Variants in PCDHGA1 observed in about 807,000 individuals in gnomAD.
PCDHGA1 encodes the protein protocadherin gamma-A1.
In PCDHGA1, 32 loss-of-function variants were observed where a neutral mutation model predicts 58.0. The observed-to-expected ratio is 0.55, with a 90% CI of 0.42 to 0.74. PCDHGA1 has a LOEUF of 0.74. Ranked by LOEUF, PCDHGA1 falls within the 30% of genes least tolerant of loss-of-function variation. The pLI is 0.00. For synonymous variants in PCDHGA1, 498 were observed against 501.1 expected (o/e 0.99, Z 0.08); for missense variants, 1,205 against 1,182.3 (o/e 1.02, Z -0.28).
At chr5:141,430,595 G>T (rs549786394) in intron 1 of PCDHGA1, 3 of 567,018 alleles carry the variant, frequency 5.3e-6, no homozygotes, top group African/African-American at 1.9e-5. Context: ...CCTTGCACGC[G>T]CCTGAAGCAC....
rs2096205933 is a variant in PCDHGA1, at chr5:141,417,998, G to C, written c.2422-76809G>C. ...GGAGGAGCTGGCCAAGGGCTCGGTGGTGGGGAACCTCGCTAAGGATCTAGG... is the reference window on the plus strand; with the variant it reads ...GGAGGAGCTGGCCAAGGGCTCGGTGCTGGGGAACCTCGCTAAGGATCTAGG... On this transcript the variant is annotated intron_variant, in intron 1 of 3. Transcript: ENST00000517417. The C allele has an allele frequency of 1.9e-6, 3 of 1,613,928 alleles. No individual in the cohort carries two copies. The East Asian group carries it at 6.7e-5, about 36-fold the overall frequency.
intron 1 of PCDHGA1, among the ~76,000 whole-genome samples, chr5:141,454,980 T>A (rs1049733405): frequency 9.3e-5 from 14 of 151,310 alleles, no homozygotes; most frequent in African/African-American, 2.4e-4. Context: ...GCTAATTTTT[T>A]AAAAAATATT....
At position 141,398,826 on chromosome 5, in the gene PCDHGA1, C is replaced by T. The variant is rs755219133; in HGVS notation, c.2421+65721C>T. On this transcript the variant is annotated intron_variant, in intron 1 of 3. Coordinates refer to ENST00000517417, the MANE Select transcript of PCDHGA1 (RefSeq NM_018912.3). ...CCACTGAGCTCCGGATCCAGGTAACCGACGCCAATGATAATCCCCCGGTAT... is the reference window on the plus strand; with the variant it reads ...CCACTGAGCTCCGGATCCAGGTAACTGACGCCAATGATAATCCCCCGGTAT... 81 of 1,613,942 alleles carry T rather than the reference C, an allele frequency of 5.0e-5. 1 individual carries two copies. In the South Asian group the frequency reaches 7.7e-4, roughly 15 times the overall value.
At chr5:141,497,479 G>A (rs1028715475) in intron 2 of PCDHGA1, among the ~76,000 whole-genome samples, 5 of 151,886 alleles carry the variant, frequency 3.3e-5, no homozygotes, top group Non-Finnish European at 7.4e-5. Flanking sequence ...GAGAAGGTGC[G>A]GAACCTCTCT....
chr5:141,374,427 A>G, intron 1 of PCDHGA1: 3 of 1,613,980 alleles, frequency 1.9e-6, no homozygotes, highest in Non-Finnish European at 2.5e-6. Context: ...GATAAACTGA[A>G]TCTTTATCCC....
At chr5:141,418,147 C>T (rs781655205) in intron 1 of PCDHGA1, 3 of 1,614,040 alleles carry the variant, frequency 1.9e-6, no homozygotes, top group Admixed American at 3.3e-5. Flanking sequence ...AGCAAATATG[C>T]AAAGAGAGAA....
chr5:141,426,630 T>C, intron 1 of PCDHGA1: 1 of 398,080 alleles, frequency 2.5e-6, no homozygotes, highest in South Asian at 1.8e-5. Context: ...TCTAAATGTT[T>C]TTCACATAAA....
At chr5:141,400,341 C>T in intron 1 of PCDHGA1, 7 of 1,614,070 alleles carry the variant, frequency 4.3e-6, no homozygotes, top group Non-Finnish European at 5.9e-6. Flanking sequence ...TTCCCCCCAA[C>T]TACAGTCAGG....
intron 1 of PCDHGA1, chr5:141,399,170 T>C (rs1159402714): frequency 6.2e-7 from 1 of 1,613,798 alleles, no homozygotes. Flanking sequence ...TTCCATTCTC[T>C]ACTTGAAATG....
intron 1 of PCDHGA1, chr5:141,385,640 A>G (rs917789862): frequency 1.2e-6 from 1 of 803,664 alleles, no homozygotes; most frequent in South Asian, 4.4e-5. Context: ...CGAGTCTTTC[A>G]TATTGCACAA....
intron 1 of PCDHGA1, chr5:141,410,113 A>G (rs760617436): frequency 3.4e-5 from 55 of 1,612,436 alleles, no homozygotes; most frequent in Non-Finnish European, 4.6e-5. Flanking sequence ...ACAGGGACGC[A>G]GCCCGCCAGC....
chr5:141,366,150 G>T, intron 1 of PCDHGA1: 4 of 1,614,136 alleles, frequency 2.5e-6, no homozygotes, highest in Non-Finnish European at 3.4e-6. Flanking sequence ...CTGTCCTACC[G>T]CCTGCTTAAG....
chr5:141,407,338 A>G (rs1016766073), intron 1 of PCDHGA1, among the ~76,000 whole-genome samples: 33 of 152,208 alleles, frequency 2.2e-4, no homozygotes, highest in Non-Finnish European at 1.8e-4. Context: ...ATTGAAATGT[A>G]TGTTAATTTG....
intron 1 of PCDHGA1, chr5:141,371,745 G>A (rs767038146): frequency 2.5e-6 from 4 of 1,613,884 alleles, no homozygotes; most frequent in Middle Eastern, 1.6e-4. Flanking sequence ...CAACGTTCCC[G>A]TTTTCCACCA....
intron 1 of PCDHGA1, chr5:141,387,677 C>A (rs1256771366): frequency 1.8e-5 from 13 of 740,970 alleles, no homozygotes; most frequent in South Asian, 4.0e-5. Context: ...GATCTCCTCG[C>A]GCAGCCGCAG....
intron 1 of PCDHGA1, among the ~76,000 whole-genome samples, chr5:141,445,885 G>A (rs1171777990): frequency 1.3e-5 from 2 of 152,148 alleles, no homozygotes; most frequent in African/African-American, 4.8e-5. Flanking sequence ...CTTGTACTTA[G>A]GAGCTATTAA....
chr5:141,403,006 G>T, intron 1 of PCDHGA1: 3 of 1,614,006 alleles, frequency 1.9e-6, no homozygotes, highest in African/African-American at 1.3e-5. Context: ...TGCTATGCTC[G>T]CTCCTGGGGA....
At chr5:141,371,690 C>G (rs778571401) in intron 1 of PCDHGA1, 1 of 1,614,078 alleles carries the variant, frequency 6.2e-7, no homozygotes, top group South Asian at 1.1e-5. Flanking sequence ...ATCCACCGCT[C>G]TCCTCCAGCA....
At chr5:141,392,925 G>A (rs1230996735) in intron 1 of PCDHGA1, 22 of 1,613,946 alleles carry the variant, frequency 1.4e-5, no homozygotes, top group Non-Finnish European at 1.9e-5. Flanking sequence ...TGTGCCAGAA[G>A]AGACGGACAA....
Sources: gnomAD v4.1 joint callset for allele counts (sites outside exome capture counted in the v4.1 genomes callset) on GRCh38, gnomAD v4.1.1 for gene constraint, MANE v1.5 for transcripts, NCBI Gene and HGNC (gene_info 2026-07-23, HGNC 2026-07-21) for gene names.